The following POC1A variants were observed in gnomAD, a reference collection of about 807,000 sequenced individuals.
POC1A encodes POC1 centriolar protein A.
A neutral mutation model predicts 47.8 loss-of-function variants in POC1A; 34 were observed. The ratio of observed to expected loss-of-function variants is 0.71; its 90% confidence interval spans 0.54 to 0.95. The LOEUF (loss-of-function observed/expected upper bound fraction) is 0.95. Among genes scored for constraint, POC1A ranks in the 40% least tolerant of loss-of-function variants. The pLI, the probability that POC1A is intolerant of heterozygous loss-of-function variation, is 0.00. For synonymous variants in POC1A, 177 were observed against 207.6 expected, an observed-to-expected ratio of 0.85 and a Z score of 1.27; for missense variants, 466 against 528.3, an observed-to-expected ratio of 0.88 and a Z score of 1.16.
At chr3:52,076,851 A>G (rs1316668055) in intron 10 of POC1A, among the ~76,000 whole-genome samples, 2 of 152,258 alleles carry the variant, frequency 1.3e-5, no homozygotes, top group African/African-American at 2.4e-5. Context: ...TGGCCTGCCA[A>G]AGGCCCCCAG....
intron 6 of POC1A, among the ~76,000 whole-genome samples, chr3:52,140,639 T>C (rs764744690): frequency 2.0e-5 from 3 of 152,200 alleles, no homozygotes; most frequent in Non-Finnish European, 4.4e-5. Flanking sequence ...CAAGCCTGGA[T>C]AGAAACACCT....
At chr3:52,104,420 G>A (rs1703104018) in intron 9 of POC1A, among the ~76,000 whole-genome samples, 1 of 152,208 alleles carries the variant, frequency 6.6e-6, no homozygotes, top group Admixed American at 6.5e-5. Flanking sequence ...GACTGTTTCT[G>A]TCACAACTCA....
rs144531721 is a variant in POC1A, at chr3:52,087,629, C to T, written c.1125+8940G>A. On this transcript the variant is annotated intron_variant, in intron 10 of 10. Coordinates refer to ENST00000296484, the MANE Select transcript of POC1A (RefSeq NM_015426.5). ...TGGATTAGCCACCAGATTAAGGAATCTTGGCTATTTACCTTGCTCATGGCT... is the reference window on the plus strand; with the variant it reads ...TGGATTAGCCACCAGATTAAGGAATTTTGGCTATTTACCTTGCTCATGGCT... 1.9e-3 allele frequency among the ~76,000 whole-genome samples: 290 copies of T among 152,370 alleles called. 2 individuals carry two copies. Among genetic ancestry groups the T allele is most frequent in the African/African-American group, 6.5e-3 (269 of 41,582 alleles).
chr3:52,125,425 G>A (rs541163906), intron 7 of POC1A, among the ~76,000 whole-genome samples: 9 of 152,288 alleles, frequency 5.9e-5, no homozygotes, highest in African/African-American at 1.9e-4. Flanking sequence ...GAGAATGTGG[G>A]TGACAGAGAT....
rs773200254 is a variant in POC1A, at chr3:52,075,885, G to C, written c.*2C>G. On this transcript the variant is annotated 3_prime_UTR_variant, in exon 11 of 11. Coordinates refer to ENST00000296484, the MANE Select transcript of POC1A (RefSeq NM_015426.5). ...CCGAGCTCCTGATTCCTGCTCCCCTGATCATGGTGTTGCTCTCTGCATGAT... is the reference window on the plus strand; with the variant it reads ...CCGAGCTCCTGATTCCTGCTCCCCTCATCATGGTGTTGCTCTCTGCATGAT... 1 of 1,607,220 alleles carries C rather than the reference G, an allele frequency of 6.2e-7. No homozygotes were observed. Among genetic ancestry groups the C allele is most frequent in the Non-Finnish European group, 8.5e-7 (1 of 1,173,842 alleles).
chr3:52,083,327 G>A (rs185660959), intron 10 of POC1A, among the ~76,000 whole-genome samples: 18 of 152,196 alleles, frequency 1.2e-4, no homozygotes, highest in Admixed American at 9.8e-4. Flanking sequence ...CATACGTGGC[G>A]AAACAGAGCA....
chr3:52,097,411 G>T (rs111854408), intron 9 of POC1A, among the ~76,000 whole-genome samples: 1 of 152,254 alleles, frequency 6.6e-6, no homozygotes, highest in Non-Finnish European at 1.5e-5. Context: ...GAGGGGCTTA[G>T]TGTTTCTGCG....
chr3:52,101,849 T>C (rs1170490197), intron 9 of POC1A, among the ~76,000 whole-genome samples: 4 of 152,186 alleles, frequency 2.6e-5, no homozygotes, highest in Non-Finnish European at 5.9e-5. Flanking sequence ...TTGGTTTTTC[T>C]GGAGGGGAAA....
chr3:52,075,367 C>G lies in POC1A; in HGVS notation c.*520G>C, dbSNP rs181454271. ...AGAAATCAGGGCCACTGAAAAGCCA[C>G]CACCCACTTGAGAGGGCTTGTTCTC... On this transcript the variant is annotated 3_prime_UTR_variant, in exon 11 of 11. Coordinates refer to ENST00000296484, the MANE Select transcript of POC1A (RefSeq NM_015426.5). 1 of 154,882 alleles carries G rather than the reference C, an allele frequency of 6.5e-6. No individual in the cohort carries two copies. The highest frequency in any genetic ancestry group is 1.4e-5 in the Non-Finnish European group (1 of 69,450). The allele number at this position is 154,882 out of a possible 1,614,324, so 9.6% of individuals were successfully genotyped here.
chr3:52,104,158 A>C (rs1210717178), intron 9 of POC1A, among the ~76,000 whole-genome samples: 1 of 152,272 alleles, frequency 6.6e-6, no homozygotes, highest in Non-Finnish European at 1.5e-5. Context: ...AACTACTGAT[A>C]CATATAACAA....
intron 7 of POC1A, among the ~76,000 whole-genome samples, chr3:52,128,492 G>A (rs1274241624): frequency 2.0e-5 from 3 of 152,128 alleles, no homozygotes; most frequent in African/African-American, 4.8e-5. Context: ...AGAGGACCAC[G>A]CAGCCCCTGC....
chr3:52,124,448 G>A (rs576234879), intron 8 of POC1A, among the ~76,000 whole-genome samples: 1 of 152,322 alleles, frequency 6.6e-6, no homozygotes, highest in African/African-American at 2.4e-5. Flanking sequence ...GACAAGGTGG[G>A]ATAGGACCTC....
chr3:52,109,107 G>A (rs1250185044), intron 9 of POC1A, among the ~76,000 whole-genome samples: 1 of 152,194 alleles, frequency 6.6e-6, no homozygotes, highest in East Asian at 1.9e-4. Flanking sequence ...ACCATGGGTC[G>A]GGGAAGGGGG....
chr3:52,153,346 G>A (rs572760962), intron 1 of POC1A, among the ~76,000 whole-genome samples: 43 of 152,280 alleles, frequency 2.8e-4, no homozygotes, highest in African/African-American at 1.0e-3. Flanking sequence ...AAGCCCAAAG[G>A]CTCCTCCTGG....
Position 52,147,062 on chromosome 3 carries a change from G to A in POC1A, c.489C>T (p.Ala163=). The A allele has an allele frequency of 1.2e-6, 2 of 1,614,066 alleles. No homozygotes were observed. Among genetic ancestry groups the A allele is most frequent in the South Asian group, 1.1e-5 (1 of 91,072 alleles). The part of the protein sequence containing the change: ...FSPDGRLIVS[A]SDDKTVKLWD... ...ACAGCTTAACAGTCTTGTCATCACTGGCAGACACGATGAGCCGCCCGTCGG... is the reference window on the plus strand; with the variant it reads ...ACAGCTTAACAGTCTTGTCATCACTAGCAGACACGATGAGCCGCCCGTCGG... Residue 163 remains alanine, a synonymous_variant, in exon 5 of 11, where the codon GCC becomes GCT. Transcript: ENST00000296484.
chr3:52,085,402 C>A (rs1702427284), intron 10 of POC1A, among the ~76,000 whole-genome samples: 1 of 152,236 alleles, frequency 6.6e-6, no homozygotes, highest in South Asian at 2.1e-4. Context: ...TGCCTCCTCA[C>A]TGCTTCTCCG....
At chr3:52,132,453 T>G (rs1425462424) in intron 7 of POC1A, among the ~76,000 whole-genome samples, 1 of 152,188 alleles carries the variant, frequency 6.6e-6, no homozygotes, top group Non-Finnish European at 1.5e-5. Flanking sequence ...ATCCCAGCAC[T>G]TGGCCTCAAT....
chr3:52,151,673 C>T (rs761317646), intron 1 of POC1A, among the ~76,000 whole-genome samples: 5 of 148,300 alleles, frequency 3.4e-5, no homozygotes, highest in African/African-American at 5.0e-5. Context: ...ACAGTAAAGA[C>T]GACAAAACAT....
chr3:52,092,232 T>A (rs1013701158), intron 10 of POC1A, among the ~76,000 whole-genome samples: 2 of 152,216 alleles, frequency 1.3e-5, no homozygotes, highest in African/African-American at 2.4e-5. Context: ...CTTTGGCTGG[T>A]GACCTAAGGG....
Sources: allele counts gnomAD v4.1 joint callset (sites outside exome capture counted in the v4.1 genomes callset), GRCh38; gene constraint gnomAD v4.1.1; transcripts MANE v1.5; gene names NCBI Gene and HGNC (gene_info 2026-07-23, HGNC 2026-07-21).